Variants in EXOC3 observed in about 807,000 individuals in gnomAD.
EXOC3 encodes the protein SEC6-like 1.
Under a neutral mutation model 73.7 loss-of-function variants are expected in EXOC3, and 21 were observed. The ratio of observed to expected loss-of-function variants is 0.29; its 90% confidence interval spans 0.20 to 0.41. The LOEUF is 0.41. EXOC3 is among the 10% of genes least tolerant of loss of function. The probability of loss-of-function intolerance (pLI) is 1.00; values close to 1 mark genes in which losing one functional copy is unlikely to be tolerated. For missense variants in EXOC3, 842 were observed against 985.1 expected (o/e 0.85, Z 1.95); for synonymous variants, 410 against 389.1 (o/e 1.05, Z -0.63).
Position 461,997 on chromosome 5 carries a change from C to G in EXOC3, c.1429C>G (p.Leu477Val), listed in dbSNP as rs1560940024. 2 of 1,604,064 alleles carry G rather than the reference C, an allele frequency of 1.2e-6. No homozygotes were observed. Among genetic ancestry groups the G allele is most frequent in the Non-Finnish European group, 1.7e-6 (2 of 1,175,124 alleles). ...DEAQLYKEEH[L>V]RNRQHPHCYV... ...AGCGCAGCTGTATAAAGAAGAGCAC[C>G]TGAGGAATCGGCAGCACCCTCACTG... The change falls in exon 8 of 13, where the codon CTG becomes GTG. Residue 477 changes from leucine to valine, a missense_variant. By Grantham distance (32) the Leu-to-Val change is conservative. Coordinates refer to ENST00000512944, the MANE Select transcript of EXOC3 (RefSeq NM_007277.5).
In EXOC3 at chr5:453,540, A is replaced by G. The variant is rs567420207; in HGVS notation, c.535A>G (p.Ser179Gly). 1.2e-6 allele frequency: 2 copies of G among 1,614,026 alleles called. No individual in the cohort carries two copies. The highest frequency in any genetic ancestry group is 4.5e-5 in the East Asian group (2 of 44,884). Reference protein sequence around the residue: ...DMTLIHGYFGSTQGLSDELAK... With the variant: ...DMTLIHGYFGGTQGLSDELAK... The stretch of plus-strand genomic sequence containing the variant: ...GACCCTCATCCATGGCTACTTTGGC[A>G]GCACGCAGGGGCTCTCTGATGAGCT... Residue 179 changes from serine (S) to glycine (G), a missense_variant, in exon 4 of 13, where the codon AGC (serine) becomes GGC (glycine). By Grantham distance (56) the Ser-to-Gly change is moderately conservative. Coordinates refer to ENST00000512944, the MANE Select transcript of EXOC3 (RefSeq NM_007277.5).
intron 9 of EXOC3, 112 bp from the exon 10 acceptor site, chr5:464,178 T>G (rs1738067392): frequency 1.9e-6 from 2 of 1,038,960 alleles, no homozygotes; most frequent in Admixed American, 2.2e-5. Context: ...CCTCCCACAC[T>G]GCACGCAGCT....
At chr5:458,964 C>T (rs972042687) in intron 6 of EXOC3, among the ~76,000 whole-genome samples, 4 of 152,218 alleles carry the variant, frequency 2.6e-5, no homozygotes, top group Non-Finnish European at 5.9e-5. Context: ...CCTGGCACAC[C>T]CCAGGTCCAG....
At chr5:446,871 AAC>A (rs1355693541) in intron 2 of EXOC3, 1 of 156,464 alleles carries the variant, frequency 6.4e-6, no homozygotes, top group African/African-American at 2.4e-5. Context: ...AGAAAAAAAA[AAC>A]ACAGAAACAA....
intron 3 of EXOC3, among the ~76,000 whole-genome samples, chr5:448,918 G>A (rs1579733511): frequency 6.6e-6 from 1 of 152,234 alleles, no homozygotes; most frequent in Non-Finnish European, 1.5e-5. Context: ...AACTCAGAAA[G>A]CAGCTCTTCT....
intron 6 of EXOC3, 96 bp downstream of exon 6, chr5:458,121 C>T (rs1737876735): frequency 6.9e-6 from 9 of 1,304,854 alleles, no homozygotes; most frequent in African/African-American, 1.5e-5. Context: ...GGATCTTCAT[C>T]CACAGAGTGT....
chr5:454,542 C>A (rs1370496913), intron 4 of EXOC3, among the ~76,000 whole-genome samples: 1 of 152,224 alleles, frequency 6.6e-6, no homozygotes, highest in Non-Finnish European at 1.5e-5. Flanking sequence ...AGCAGTGAGT[C>A]TTTCAAAAAT....
At chr5:453,343 A>T (rs758039563) in intron 3 of EXOC3, 27 bp from the exon 4 acceptor site, 1 of 1,530,010 alleles carries the variant, frequency 6.5e-7, no homozygotes, top group Non-Finnish European at 8.9e-7. Flanking sequence ...GTGGTTGTTT[A>T]TGTTGTGTCT....
intron 3 of EXOC3, among the ~76,000 whole-genome samples, chr5:449,299 C>T (rs755636751): frequency 1.4e-4 from 21 of 152,188 alleles, no homozygotes; most frequent in Non-Finnish European, 2.8e-4. Flanking sequence ...TTCTAAAATG[C>T]ATATGTACAG....
chr5:459,708 C>G, intron 7 of EXOC3: 2 of 297,734 alleles, frequency 6.7e-6, no homozygotes, highest in Non-Finnish European at 1.2e-5. Context: ...AGCGATGCGC[C>G]GGATGACACC....
intron 4 of EXOC3, among the ~76,000 whole-genome samples, chr5:456,632 A>C (rs962814645): frequency 2.5e-4 from 38 of 152,186 alleles, no homozygotes; most frequent in Non-Finnish European, 4.4e-4. Context: ...AGAGACCCCA[A>C]AGCCCTCGGC....
chr5:460,870 A>G (rs1737962747), intron 7 of EXOC3, among the ~76,000 whole-genome samples: 1 of 152,258 alleles, frequency 6.6e-6, no homozygotes, highest in African/African-American at 2.4e-5. Flanking sequence ...CACTTTGGAC[A>G]GAAATGCTAA....
Position 447,694 on chromosome 5 carries a change from C to A in EXOC3, c.306C>A (p.Ala102=). 1.3e-6 allele frequency: 2 copies of A among 1,591,332 alleles called. No individual in the cohort carries two copies. Among genetic ancestry groups the A allele is most frequent in the Non-Finnish European group, 1.7e-6 (2 of 1,168,554 alleles). The change falls in exon 3 of 13, where the codon GCC becomes GCA. Residue 102 remains alanine (A), a synonymous_variant. Coordinates refer to ENST00000512944, the MANE Select transcript of EXOC3 (RefSeq NM_007277.5). ...TIESLKDVKD[A]VVQHSQLAAA... ...AGAGCCTCAAGGACGTCAAAGACGC[C>A]GTGGTGCAGCACAGCCAGCTCGCCG...
At chr5:456,344 A>G (rs2126580686) in intron 4 of EXOC3, among the ~76,000 whole-genome samples, 1 of 152,154 alleles carries the variant, frequency 6.6e-6, no homozygotes, top group East Asian at 1.9e-4. Flanking sequence ...TTTTTCCCAA[A>G]TACTTTCAGT....
chr5:461,273 TA>T (rs1433640908), intron 7 of EXOC3, among the ~76,000 whole-genome samples: 1 of 152,252 alleles, frequency 6.6e-6, no homozygotes, highest in Non-Finnish European at 1.5e-5. Flanking sequence ...TTTCAGTTAT[TA>T]TTTTTTACCA....
chr5:453,715 C>T lies in EXOC3; in HGVS notation c.710C>T (p.Pro237Leu), dbSNP rs757228807. The T allele has an allele frequency of 1.2e-6, 2 of 1,613,922 alleles. No individual in the cohort carries two copies. The highest frequency in any genetic ancestry group is 3.3e-5 in the Admixed American group (2 of 60,024). ...LDRKKQTGFV[P>L]PGRPKNWKEK... Reference sequence around the variant, plus strand: ...CGGAAAAAGCAAACTGGCTTTGTTCCTCCTGGGAGGCCCAAGAATTGGAAG... The same window carrying T: ...CGGAAAAAGCAAACTGGCTTTGTTCTTCCTGGGAGGCCCAAGAATTGGAAG... The change falls in exon 4 of 13, where the codon CCT (proline) becomes CTT (leucine). Residue 237 changes from proline (P) to leucine (L), a missense_variant. Pro to Leu is a moderately conservative substitution (Grantham distance 98). Coordinates refer to ENST00000512944, the MANE Select transcript of EXOC3 (RefSeq NM_007277.5).
chr5:453,241 C>T, intron 3 of EXOC3, 129 bp from the exon 4 acceptor site: 1 of 658,094 alleles, frequency 1.5e-6, no homozygotes, highest in East Asian at 2.7e-5. Context: ...CAGACACATC[C>T]TGCCATTGCA....
intron 7 of EXOC3, among the ~76,000 whole-genome samples, chr5:460,214 G>T (rs1195328404): frequency 6.6e-6 from 1 of 152,224 alleles, no homozygotes; most frequent in Non-Finnish European, 1.5e-5. Flanking sequence ...AGATTGGACT[G>T]CATCGCATGA....
rs567379160 is a variant in EXOC3, at chr5:464,928, C to T, written c.1777-183C>T. On this transcript the variant is annotated intron_variant, in intron 10 of 12. Transcript: ENST00000512944. ...CTGGTGCGGGGGTCCAGGTCACCGT[C>T]ACTGTTCCCCCACTGAGCCCCCGCT... The T allele has an allele frequency of 5.8e-5, 38 of 655,738 alleles. No individual in the cohort carries two copies. The South Asian group carries it at 7.3e-4, about 13-fold the overall frequency. The allele number at this position is 655,738 out of a possible 1,614,324, so 40.6% of individuals were successfully genotyped here.
Sources: allele counts gnomAD v4.1 joint callset (sites outside exome capture counted in the v4.1 genomes callset), GRCh38; gene constraint gnomAD v4.1.1; transcripts MANE v1.5; gene names NCBI Gene and HGNC (gene_info 2026-07-23, HGNC 2026-07-21).